The following TULP4 variants were observed in gnomAD, a reference collection of about 807,000 sequenced individuals.
The protein encoded by TULP4 is tubby-related protein 4.
Under a neutral mutation model 129.0 loss-of-function variants are expected in TULP4, and 16 were observed. The observed-to-expected ratio is 0.12, with a 90% CI of 0.08 to 0.19. The LOEUF is 0.19. TULP4 is among the 10% of genes least tolerant of loss of function. The pLI, the probability that TULP4 is intolerant of heterozygous loss-of-function variation, is 1.00. For synonymous variants in TULP4, 998 were observed against 854.0 expected, an observed-to-expected ratio of 1.17 and a Z score of -2.94; for missense variants, 1,842 against 2,059.1, an observed-to-expected ratio of 0.89 and a Z score of 2.04.
intron 1 of TULP4, among the ~76,000 whole-genome samples, chr6:158,235,091 C>T (rs1777663444): frequency 1.3e-5 from 2 of 151,804 alleles, no homozygotes; most frequent in African/African-American, 4.8e-5. Flanking sequence ...TGCTTGAACC[C>T]GGGAGGCTGA....
chr6:158,498,573 G>C, intron 11 of TULP4, 96 bp from the exon 12 acceptor site: 1 of 1,479,198 alleles, frequency 6.8e-7, no homozygotes, highest in Admixed American at 1.8e-5. Context: ...TGATGGCAGG[G>C]AAACTGCAGT....
intron 1 of TULP4, among the ~76,000 whole-genome samples, chr6:158,329,639 C>T (rs1779829921): frequency 6.6e-6 from 1 of 151,930 alleles, no homozygotes; most frequent in South Asian, 2.1e-4. Flanking sequence ...GTGTAAAAAC[C>T]ATCTATTGTC....
chr6:158,377,255 GTTTAC>G (rs917711589), intron 1 of TULP4, among the ~76,000 whole-genome samples: 67 of 152,284 alleles, frequency 4.4e-4, no homozygotes, highest in African/African-American at 1.6e-3. Flanking sequence ...GTAACTTACA[GTTTAC>G]TTGGAAAGAG....
chr6:158,268,079 A>T (rs1778483928), intron 1 of TULP4, among the ~76,000 whole-genome samples: 1 of 120,276 alleles, frequency 8.3e-6, no homozygotes. Flanking sequence ...CTTGTTGCCC[A>T]GGCTGGATTG....
chr6:158,453,182 T>G (rs1779202216), intron 5 of TULP4, among the ~76,000 whole-genome samples: 1 of 152,032 alleles, frequency 6.6e-6, no homozygotes, highest in Non-Finnish European at 1.5e-5. Context: ...AAGAATCAAG[T>G]CTAGGCTGGG....
intron 3 of TULP4, among the ~76,000 whole-genome samples, chr6:158,430,401 C>T (rs139040448): frequency 1.3e-4 from 20 of 152,266 alleles, no homozygotes; most frequent in Non-Finnish European, 2.1e-4. Context: ...GCCTATTTGA[C>T]TTTCATGAGA....
chr6:158,474,346 G>T (rs1432056762), intron 6 of TULP4, among the ~76,000 whole-genome samples: 1 of 152,184 alleles, frequency 6.6e-6, no homozygotes, highest in Non-Finnish European at 1.5e-5. Flanking sequence ...GCCTCCCTCA[G>T]TCATCCAGAA....
intron 1 of TULP4, among the ~76,000 whole-genome samples, chr6:158,236,454 CTATT>C (rs1251725488): frequency 6.6e-6 from 1 of 152,094 alleles, no homozygotes; most frequent in Non-Finnish European, 1.5e-5. Flanking sequence ...TACATTTCAA[CTATT>C]TATCATGGAA....
intron 1 of TULP4, among the ~76,000 whole-genome samples, chr6:158,288,761 A>G (rs1227160435): frequency 6.6e-6 from 1 of 152,152 alleles, no homozygotes; most frequent in Non-Finnish European, 1.5e-5. Context: ...CGACCTCCCA[A>G]AGTGCTGGGA....
chr6:158,461,819 C>A, intron 6 of TULP4, 90 bp downstream of exon 6: 1 of 1,417,784 alleles, frequency 7.1e-7, no homozygotes, highest in Non-Finnish European at 9.5e-7. Flanking sequence ...TTATTTTAAT[C>A]TTTTTTTACC....
At chr6:158,483,157 C>A (rs1417681715) in intron 8 of TULP4, among the ~76,000 whole-genome samples, 2 of 152,036 alleles carry the variant, frequency 1.3e-5, no homozygotes, top group South Asian at 4.1e-4. Flanking sequence ...GGTGATAAGA[C>A]AATGTAAGCA....
chr6:158,423,178 C>T (rs934463140), intron 2 of TULP4, among the ~76,000 whole-genome samples: 1 of 148,760 alleles, frequency 6.7e-6, no homozygotes, highest in Non-Finnish European at 1.5e-5. Flanking sequence ...TATCTGCCTA[C>T]AATAATAACT....
intron 1 of TULP4, among the ~76,000 whole-genome samples, chr6:158,331,771 G>GTGTATA (rs1779897029): frequency 2.6e-4 from 8 of 30,822 alleles, no homozygotes; most frequent in Admixed American, 5.0e-4. Flanking sequence ...ATATATACAC[G>GTGTATA]TATATATACA....
At chr6:158,477,909 T>C (rs1334873476) in intron 6 of TULP4, among the ~76,000 whole-genome samples, 1 of 152,172 alleles carries the variant, frequency 6.6e-6, no homozygotes, top group Non-Finnish European at 1.5e-5. Context: ...ATAAACACCA[T>C]GGAATACTAT....
intron 1 of TULP4, among the ~76,000 whole-genome samples, chr6:158,402,078 A>G (rs2114981479): frequency 6.6e-6 from 1 of 152,320 alleles, no homozygotes; most frequent in East Asian, 1.9e-4. Context: ...GAAGGTTTCC[A>G]TGGATATTAT....
At chr6:158,443,558 C>T (rs1011294826) in intron 3 of TULP4, among the ~76,000 whole-genome samples, 2 of 152,132 alleles carry the variant, frequency 1.3e-5, no homozygotes, top group African/African-American at 4.8e-5. Context: ...TAATAGGAAT[C>T]ATTTAACATT....
chr6:158,328,423 G>T lies in TULP4; in HGVS notation c.252+14155G>T, dbSNP rs765934063. On this transcript the variant is annotated intron_variant, in intron 1 of 13. Coordinates refer to ENST00000367097, the MANE Select transcript of TULP4 (RefSeq NM_020245.5). Reference sequence around the variant, plus strand: ...GAACCTTCTAGATTCTATGTATTTGGCTTTTCACAACATCATTCTTGTTTT... The same window carrying T: ...GAACCTTCTAGATTCTATGTATTTGTCTTTTCACAACATCATTCTTGTTTT... Among the ~76,000 whole-genome samples the T allele has an allele frequency of 3.8e-4, 58 of 152,134 alleles. No individual in the cohort carries two copies. The Middle Eastern group carries it at 0.014, about 36-fold the overall frequency.
chr6:158,482,595 G>A (rs1779973373), intron 8 of TULP4, among the ~76,000 whole-genome samples: 1 of 152,156 alleles, frequency 6.6e-6, no homozygotes, highest in Non-Finnish European at 1.5e-5. Context: ...ACGTGGGAGG[G>A]AAACATGGTT....
chr6:158,329,551 G>GT (rs1263348805), intron 1 of TULP4, among the ~76,000 whole-genome samples: 1 of 151,592 alleles, frequency 6.6e-6, no homozygotes, highest in Non-Finnish European at 1.5e-5. Flanking sequence ...AGAAATAAAT[G>GT]TTTGATGGCT....
Sources: gnomAD v4.1 joint callset for allele counts (sites outside exome capture counted in the v4.1 genomes callset) on GRCh38, gnomAD v4.1.1 for gene constraint, MANE v1.5 for transcripts, NCBI Gene and HGNC (gene_info 2026-07-23, HGNC 2026-07-21) for gene names.